Variants in NEGR1 observed in about 807,000 individuals in gnomAD.
The protein encoded by NEGR1 is neuronal growth regulator 1, also known as IgLON family member 4.
Under a neutral mutation model 40.9 loss-of-function variants are expected in NEGR1, and 10 were observed. The observed-to-expected ratio is 0.24, with a 90% CI of 0.15 to 0.42. The LOEUF (loss-of-function observed/expected upper bound fraction) is 0.42, where lower values mean the gene tolerates loss of function less well. Ranked by LOEUF, NEGR1 falls within the 10% of genes least tolerant of loss-of-function variation. The pLI is 1.00. For missense variants in NEGR1, 352 were observed against 438.9 expected, an observed-to-expected ratio of 0.80 and a Z score of 1.77; for synonymous variants, 185 against 166.8, an observed-to-expected ratio of 1.11 and a Z score of -0.84.
At chr1:71,747,217 TA>T (rs917561417) in intron 3 of NEGR1, among the ~76,000 whole-genome samples, 36 of 149,770 alleles carry the variant, frequency 2.4e-4, no homozygotes, top group Admixed American at 6.0e-4. Flanking sequence ...ATCTCATTAA[TA>T]AAAAAAAAGA....
intron 6 of NEGR1, among the ~76,000 whole-genome samples, chr1:71,546,507 GTGA>G (rs1206996078): frequency 6.6e-6 from 1 of 151,656 alleles, no homozygotes; most frequent in African/African-American, 2.4e-5. Flanking sequence ...TTTAAAAGTG[GTGA>G]TGATAGTAGT....
intron 1 of NEGR1, among the ~76,000 whole-genome samples, chr1:72,267,266 T>G (rs1005097486): frequency 5.3e-5 from 8 of 151,074 alleles, no homozygotes; most frequent in Non-Finnish European, 1.2e-4. Flanking sequence ...TTACATACAA[T>G]GCATATGTAA....
intron 1 of NEGR1, among the ~76,000 whole-genome samples, chr1:72,212,115 T>C (rs1294207852): frequency 6.6e-6 from 1 of 151,966 alleles, no homozygotes; most frequent in East Asian, 1.9e-4. Flanking sequence ...GGCAAAGATG[T>C]TTATGCTGTT....
intron 1 of NEGR1, among the ~76,000 whole-genome samples, chr1:72,088,796 CTTTTTTTTTTTTT>C (rs71074816): frequency 3.1e-4 from 23 of 74,910 alleles, no homozygotes; most frequent in Admixed American, 7.0e-4. Flanking sequence ...CTCTCTCTCT[CTTTTTTTTTTTTT>C]TTTTTTTTTT....
intron 6 of NEGR1, among the ~76,000 whole-genome samples, chr1:71,457,595 AC>A (rs747780149): frequency 3.9e-5 from 6 of 152,256 alleles, no homozygotes; most frequent in Non-Finnish European, 8.8e-5. Flanking sequence ...TTCAGCGAGG[AC>A]ATTAACATTT....
At chr1:71,922,183 C>T (rs1355297323) in intron 2 of NEGR1, among the ~76,000 whole-genome samples, 1 of 152,130 alleles carries the variant, frequency 6.6e-6, no homozygotes, top group Non-Finnish European at 1.5e-5. Context: ...CCAGCTGAAC[C>T]TGGAGCCAAG....
At chr1:72,016,541 T>A (rs1646711803) in intron 1 of NEGR1, among the ~76,000 whole-genome samples, 1 of 152,208 alleles carries the variant, frequency 6.6e-6, no homozygotes. Flanking sequence ...TTAAAGTTTC[T>A]GGAATTTCCC....
intron 6 of NEGR1, among the ~76,000 whole-genome samples, chr1:71,553,841 TC>T (rs1648164246): frequency 6.6e-6 from 1 of 151,472 alleles, no homozygotes; most frequent in African/African-American, 2.4e-5. Flanking sequence ...ACAAATATCT[TC>T]ATATTATTAG....
At chr1:72,065,853 C>T (rs1050392315) in intron 1 of NEGR1, among the ~76,000 whole-genome samples, 1 of 151,974 alleles carries the variant, frequency 6.6e-6, no homozygotes, top group Non-Finnish European at 1.5e-5. Flanking sequence ...TAATTTTGCC[C>T]ATAAGCAAAA....
At chr1:71,885,285 A>T (rs1660693622) in intron 2 of NEGR1, among the ~76,000 whole-genome samples, 1 of 152,208 alleles carries the variant, frequency 6.6e-6, no homozygotes, top group Admixed American at 6.5e-5. Context: ...ATTTCAAACC[A>T]TTGAGGTACT....
chr1:71,584,425 C>A (rs1348497064), intron 6 of NEGR1, among the ~76,000 whole-genome samples: 1 of 152,106 alleles, frequency 6.6e-6, no homozygotes, highest in Admixed American at 6.6e-5. Flanking sequence ...ACCCTAGTAA[C>A]TATGTTTCAC....
chr1:71,470,525 A>C (rs768618541), intron 6 of NEGR1, among the ~76,000 whole-genome samples: 5 of 152,158 alleles, frequency 3.3e-5, no homozygotes, highest in Non-Finnish European at 7.3e-5. Context: ...ACTTAAGGAT[A>C]TATCTCTTCA....
At chr1:72,090,269 T>G (rs925879047) in intron 1 of NEGR1, among the ~76,000 whole-genome samples, 1 of 151,110 alleles carries the variant, frequency 6.6e-6, no homozygotes, top group Non-Finnish European at 1.5e-5. Context: ...CACCAAAAAG[T>G]AATTCTGTAT....
rs746638372 is a variant in NEGR1, at chr1:71,399,150, A to T, written c.*8296T>A. ...ATATCTAATTGTCTATTATAAAACC[A>T]TAAAAGCTTTGTTAATACATTTTGA... On this transcript the variant is annotated 3_prime_UTR_variant, in exon 7 of 7. Coordinates refer to ENST00000357731, the MANE Select transcript of NEGR1 (RefSeq NM_173808.3). 6.6e-6 allele frequency: 1 copy of T among 152,204 alleles called. No homozygotes were observed. The highest frequency in any genetic ancestry group is 2.4e-5 in the African/African-American group (1 of 41,460). The allele number at this position is 152,204 out of a possible 1,614,324, so 9.4% of individuals were successfully genotyped here.
chr1:71,498,577 C>T (rs985135399), intron 6 of NEGR1, among the ~76,000 whole-genome samples: 7 of 152,114 alleles, frequency 4.6e-5, no homozygotes, highest in Non-Finnish European at 8.8e-5. Flanking sequence ...ATGAAAAGCA[C>T]AGCTATGAAA....
chr1:72,138,147 G>T (rs1225800058), intron 1 of NEGR1, among the ~76,000 whole-genome samples: 1 of 152,050 alleles, frequency 6.6e-6, no homozygotes, highest in African/African-American at 2.4e-5. Flanking sequence ...AGGGTAACAT[G>T]ATGGAGTATA....
Position 72,247,496 on chromosome 1 carries a change from C to G in NEGR1, c.176+34823G>C, listed in dbSNP as rs571432130. On this transcript the variant is annotated intron_variant, in intron 1 of 6. Transcript: ENST00000357731. Reference sequence around the variant, plus strand: ...ATCATCACTCTGACCTTCAAACATCCACAGATCTCTAGGGCAGGGGCACAG... The same window carrying G: ...ATCATCACTCTGACCTTCAAACATCGACAGATCTCTAGGGCAGGGGCACAG... Among the ~76,000 whole-genome samples, 33 of 152,256 alleles carry G rather than the reference C, an allele frequency of 2.2e-4. No homozygotes were observed. The South Asian group carries it at 6.8e-3, about 32-fold the overall frequency.
chr1:71,473,197 C>A lies in NEGR1; in HGVS notation c.941-65627G>T, dbSNP rs115432555. Among the ~76,000 whole-genome samples the A allele has an allele frequency of 9.2e-3, 1,405 of 152,044 alleles. 22 individuals carry two copies. Among genetic ancestry groups the A allele is most frequent in the African/African-American group, 0.032 (1,340 of 41,506 alleles). On this transcript the variant is annotated intron_variant, in intron 6 of 6. Coordinates refer to ENST00000357731, the MANE Select transcript of NEGR1 (RefSeq NM_173808.3). Reference sequence around the variant, plus strand: ...AGTACTAAGATTGAAAGTGCACATTCAATACCAGTCAGAATAAATGAAATT... The same window carrying A: ...AGTACTAAGATTGAAAGTGCACATTAAATACCAGTCAGAATAAATGAAATT...
chr1:71,745,232 G>C (rs1655344020), intron 3 of NEGR1, among the ~76,000 whole-genome samples: 1 of 152,054 alleles, frequency 6.6e-6, no homozygotes. Context: ...ACATTTATCT[G>C]ATGCAAACTA....
Sources: gnomAD v4.1 joint callset for allele counts (sites outside exome capture counted in the v4.1 genomes callset) on GRCh38, gnomAD v4.1.1 for gene constraint, MANE v1.5 for transcripts, NCBI Gene and HGNC (gene_info 2026-07-23, HGNC 2026-07-21) for gene names.